CUL3: variants seen among roughly 807,000 people sequenced by gnomAD.
CUL3 encodes the protein cullin-3.
In CUL3, 19 loss-of-function variants were observed where a neutral mutation model predicts 89.1. The ratio of observed to expected loss-of-function variants is 0.21; its 90% CI spans 0.15 to 0.31. The LOEUF is 0.31. Ranked by LOEUF, CUL3 falls within the 10% of genes least tolerant of loss-of-function variation. The pLI is 1.00. For missense variants in CUL3, 469 were observed against 942.3 expected (o/e 0.50, Z 6.58); for synonymous variants, 351 against 308.4 (o/e 1.14, Z -1.45).
chr2:224,484,794 A>G (rs944145277), intron 13 of CUL3, among the ~76,000 whole-genome samples: 1 of 152,222 alleles, frequency 6.6e-6, no homozygotes, highest in Non-Finnish European at 1.5e-5. Context: ...CCCACAAATA[A>G]AAAACAATTA....
intron 13 of CUL3, among the ~76,000 whole-genome samples, chr2:224,489,014 A>G (rs1157944284): frequency 6.6e-6 from 1 of 152,226 alleles, no homozygotes; most frequent in Non-Finnish European, 1.5e-5. Context: ...AAAAAACCAC[A>G]TGATTATCTC....
At chr2:224,566,458 T>C (rs560760773) in intron 1 of CUL3, among the ~76,000 whole-genome samples, 2 of 152,252 alleles carry the variant, frequency 1.3e-5, no homozygotes, top group African/African-American at 2.4e-5. Flanking sequence ...CACCCTAGTA[T>C]GTGCTTCTCT....
chr2:224,556,001 C>T (rs1429848270), intron 2 of CUL3, among the ~76,000 whole-genome samples: 1 of 152,082 alleles, frequency 6.6e-6, no homozygotes, highest in Non-Finnish European at 1.5e-5. Flanking sequence ...GAAAGCTGTG[C>T]ATAATAGGCA....
At chr2:224,567,465 C>A (rs1338411177) in intron 1 of CUL3, among the ~76,000 whole-genome samples, 2 of 152,096 alleles carry the variant, frequency 1.3e-5, no homozygotes, top group Non-Finnish European at 2.9e-5. Context: ...TTCGGCCGGG[C>A]ACGGTGGCTC....
intron 2 of CUL3, among the ~76,000 whole-genome samples, chr2:224,557,264 G>A (rs1694742073): frequency 6.6e-6 from 1 of 152,066 alleles, no homozygotes; most frequent in South Asian, 2.1e-4. Context: ...TTTAGTTAGT[G>A]ATCCATCTTA....
intron 8 of CUL3, 79 bp from the exon 9 acceptor site, chr2:224,503,901 A>C (rs1692490822): frequency 9.2e-7 from 1 of 1,090,878 alleles, no homozygotes; most frequent in African/African-American, 1.6e-5. Flanking sequence ...ACAGCTTAAA[A>C]ACACTATTGT....
intron 3 of CUL3, among the ~76,000 whole-genome samples, chr2:224,517,084 C>A (rs1294050641): frequency 1.3e-5 from 2 of 152,168 alleles, no homozygotes; most frequent in African/African-American, 4.8e-5. Flanking sequence ...CAACAAGAAT[C>A]CCTTTTATTA....
intron 9 of CUL3, 85 bp downstream of exon 9, chr2:224,503,567 A>C (rs1184018247): frequency 5.3e-6 from 6 of 1,138,922 alleles, no homozygotes; most frequent in Non-Finnish European, 7.2e-6. Context: ...ATAATCTACC[A>C]AATTAATTTC....
chr2:224,525,675 C>A (rs753828280), intron 3 of CUL3, among the ~76,000 whole-genome samples: 9 of 152,154 alleles, frequency 5.9e-5, no homozygotes, highest in African/African-American at 1.4e-4. Context: ...GTGCCTGGCA[C>A]GCACCAAAGG....
chr2:224,563,250 C>T (rs1429260156), intron 1 of CUL3: 1 of 471,212 alleles, frequency 2.1e-6, no homozygotes, highest in Non-Finnish European at 4.4e-6. Context: ...CTCTTGTATA[C>T]TACTTTTCCA....
chr2:224,567,564 C>A (rs370402955), intron 1 of CUL3, among the ~76,000 whole-genome samples: 2 of 152,028 alleles, frequency 1.3e-5, no homozygotes, highest in South Asian at 2.1e-4. Context: ...ACGGTGAAAC[C>A]CCATCCCTAC....
At chr2:224,575,238 A>G (rs965805544) in intron 1 of CUL3, among the ~76,000 whole-genome samples, 1 of 152,208 alleles carries the variant, frequency 6.6e-6, no homozygotes, top group African/African-American at 2.4e-5. Flanking sequence ...GACAATGATT[A>G]AAGTTTGGAA....
chr2:224,490,904 C>T (rs1028933617), intron 13 of CUL3, among the ~76,000 whole-genome samples: 4 of 152,046 alleles, frequency 2.6e-5, no homozygotes, highest in Non-Finnish European at 4.4e-5. Flanking sequence ...ACCCCATTTA[C>T]CCTGATGTGA....
chr2:224,557,534 G>A (rs565462636), intron 2 of CUL3, 125 bp downstream of exon 2: 6 of 590,580 alleles, frequency 1.0e-5, no homozygotes, highest in East Asian at 8.5e-5. Context: ...TAACAGTCAC[G>A]AATTAGTAAT....
chr2:224,535,436 C>T (rs1693860006), intron 3 of CUL3, 92 bp downstream of exon 3: 1 of 798,190 alleles, frequency 1.3e-6, no homozygotes. Context: ...TCCCAAAGTG[C>T]TGGGATTACA....
At chr2:224,484,505 T>C (rs1244314966) in intron 13 of CUL3, among the ~76,000 whole-genome samples, 1 of 152,156 alleles carries the variant, frequency 6.6e-6, no homozygotes, top group Non-Finnish European at 1.5e-5. Flanking sequence ...TCAATTTTTA[T>C]GTTATAAGTA....
At chr2:224,483,440 T>C (rs988154167) in intron 13 of CUL3, among the ~76,000 whole-genome samples, 2 of 152,158 alleles carry the variant, frequency 1.3e-5, no homozygotes, top group African/African-American at 4.8e-5. Context: ...GAGTTAAGCA[T>C]AACAGTAGTT....
At chr2:224,499,868 C>CA (rs570350254) in intron 11 of CUL3, 7 of 170,504 alleles carry the variant, frequency 4.1e-5, no homozygotes, top group Non-Finnish European at 7.8e-5. Context: ...TTCAGCAGCC[C>CA]AAAAAAAATA....
intron 1 of CUL3, among the ~76,000 whole-genome samples, chr2:224,579,785 A>G (rs1212899452): frequency 6.6e-6 from 1 of 152,206 alleles, no homozygotes; most frequent in Non-Finnish European, 1.5e-5. Flanking sequence ...CATTCTGGAG[A>G]CAGTCACCTT....
Sources: gnomAD v4.1 joint callset for allele counts (sites outside exome capture counted in the v4.1 genomes callset) on GRCh38, gnomAD v4.1.1 for gene constraint, MANE v1.5 for transcripts, NCBI Gene and HGNC (gene_info 2026-07-23, HGNC 2026-07-21) for gene names.